Variants in TSC22D2 observed in about 807,000 individuals in gnomAD.
The protein encoded by TSC22D2 is TSC22 domain family protein 2.
In TSC22D2, 5 loss-of-function variants were observed where a neutral mutation model predicts 50.1. The ratio of observed to expected loss-of-function variants is 0.10; its 90% CI spans 0.05 to 0.21. TSC22D2 has a LOEUF of 0.21. Ranked by LOEUF, TSC22D2 falls within the 10% of genes least tolerant of loss-of-function variation. The probability of loss-of-function intolerance (pLI) is 1.00; values close to 1 mark genes in which losing one functional copy is unlikely to be tolerated. For missense variants in TSC22D2, 1,003 were observed against 1,015.5 expected, an observed-to-expected ratio of 0.99 and a Z score of 0.17; for synonymous variants, 501 against 450.1, an observed-to-expected ratio of 1.11 and a Z score of -1.43.
intron 1 of TSC22D2, among the ~76,000 whole-genome samples, chr3:150,437,066 G>A (rs889379282): frequency 1.3e-5 from 2 of 152,060 alleles, no homozygotes; most frequent in African/African-American, 4.8e-5. Context: ...GCAAAACTAT[G>A]CCCACAAATC....
intron 1 of TSC22D2, among the ~76,000 whole-genome samples, chr3:150,413,325 G>A (rs2108059805): frequency 6.6e-6 from 1 of 152,274 alleles, no homozygotes; most frequent in African/African-American, 2.4e-5. Flanking sequence ...GGGTTTTGAT[G>A]TATGTACAGT....
Position 150,457,177 on chromosome 3 carries a change from G to C in TSC22D2, c.2010+50G>C, listed in dbSNP as rs1721216685. 3.3e-6 allele frequency: 5 copies of C among 1,518,206 alleles called. No individual in the cohort carries two copies. The African/African-American group carries it at 5.5e-5, about 17-fold the overall frequency. 94.0% of individuals were successfully genotyped at this position (1,518,206 alleles called of 1,614,324 possible). A position where few individuals can be genotyped will look rare whatever the true frequency, so the allele number is the denominator to read the frequency against. The stretch of plus-strand genomic sequence containing the variant: ...CATTTCATAGATTGTTGGTTGTATG[G>C]AACACTTAGCTTTTGTCAGTTTTAG... On this transcript the variant is annotated intron_variant, in intron 2 of 2. Coordinates refer to ENST00000688009, the MANE Select transcript of TSC22D2 (RefSeq NM_001303264.2).
intron 2 of TSC22D2, among the ~76,000 whole-genome samples, 154 bp downstream of exon 2, chr3:150,457,281 G>A (rs1430021108): frequency 1.3e-5 from 2 of 152,136 alleles, no homozygotes; most frequent in African/African-American, 4.8e-5. Flanking sequence ...ATGCTAGAAC[G>A]TTGAGAACTT....
At chr3:150,439,378 A>G (rs1720645094) in intron 1 of TSC22D2, among the ~76,000 whole-genome samples, 1 of 152,188 alleles carries the variant, frequency 6.6e-6, no homozygotes, top group African/African-American at 2.4e-5. Context: ...CCATGACTTC[A>G]TTACATTCTG....
chr3:150,424,407 A>G (rs1343509271), intron 1 of TSC22D2, among the ~76,000 whole-genome samples: 2 of 152,188 alleles, frequency 1.3e-5, no homozygotes, highest in Non-Finnish European at 1.5e-5. Flanking sequence ...GTAGCTTTCA[A>G]AAGTATGATG....
chr3:150,442,181 T>C (rs1052765961), intron 1 of TSC22D2, among the ~76,000 whole-genome samples: 4 of 148,756 alleles, frequency 2.7e-5, no homozygotes, highest in Middle Eastern at 3.4e-3. Flanking sequence ...AACTGTGGCA[T>C]TTCCTCTACT....
At chr3:150,431,458 G>A (rs1323870686) in intron 1 of TSC22D2, among the ~76,000 whole-genome samples, 1 of 151,986 alleles carries the variant, frequency 6.6e-6, no homozygotes, top group South Asian at 2.1e-4. Context: ...TAACCTGTTC[G>A]AAGAGCCAGT....
intron 1 of TSC22D2, among the ~76,000 whole-genome samples, chr3:150,437,803 G>A (rs549029871): frequency 6.6e-5 from 10 of 151,632 alleles, no homozygotes; most frequent in African/African-American, 2.4e-4. Flanking sequence ...GCGGGACTCC[G>A]TCTCAAAATA....
chr3:150,415,052 A>G (rs1469801411), intron 1 of TSC22D2, among the ~76,000 whole-genome samples: 1 of 151,854 alleles, frequency 6.6e-6, no homozygotes, highest in Non-Finnish European at 1.5e-5. Context: ...ATTATTGTTT[A>G]GCATAAAAAC....
chr3:150,413,802 G>GACT (rs1719684455), intron 1 of TSC22D2, among the ~76,000 whole-genome samples: 1 of 151,888 alleles, frequency 6.6e-6, no homozygotes. Flanking sequence ...GAGAGGTCTT[G>GACT]ACTAATTGTG....
intron 2 of TSC22D2, among the ~76,000 whole-genome samples, chr3:150,458,107 T>C (rs1386984872): frequency 1.3e-5 from 2 of 152,168 alleles, no homozygotes; most frequent in Non-Finnish European, 2.9e-5. Context: ...TTTTTTTTTT[T>C]TAATTCTAAG....
Position 150,409,944 on chromosome 3 carries a change from C to G in TSC22D2, c.594C>G (p.Ser198=), listed in dbSNP as rs34667041. The change falls in exon 1 of 3, where the codon TCC becomes TCG. Residue 198 remains serine (S), a synonymous_variant. Transcript: ENST00000688009. The surrounding 1 kb of genome is among the most constrained non-coding windows in gnomAD (Gnocchi z 7.4). The part of the protein sequence containing the change: ...RDSDSSVLTR[S]GDCIRHSSTF... ...CAGACAGCAGCGTCCTGACTAGATC[C>G]GGGGATTGCATTAGACACAGCAGTA... 6 of 1,613,954 alleles carry G rather than the reference C, an allele frequency of 3.7e-6. No homozygotes were observed. The South Asian group carries it at 5.5e-5, about 15-fold the overall frequency.
intron 1 of TSC22D2, among the ~76,000 whole-genome samples, chr3:150,435,171 G>T (rs990801000): frequency 2.6e-5 from 4 of 151,994 alleles, no homozygotes; most frequent in Non-Finnish European, 5.9e-5. Flanking sequence ...TAGAGATGGG[G>T]TTTCTCCATG....
intron 1 of TSC22D2, among the ~76,000 whole-genome samples, chr3:150,430,372 C>G (rs530874939): frequency 2.0e-5 from 3 of 152,162 alleles, no homozygotes; most frequent in African/African-American, 7.2e-5. Flanking sequence ...GACAGAGATT[C>G]TAGAAAGGTA....
chr3:150,410,977 A>C lies in TSC22D2; in HGVS notation c.1627A>C (p.Ser543Arg), dbSNP rs1576539346. The C allele has an allele frequency of 6.2e-7, 1 of 1,614,220 alleles. No homozygotes were observed. The highest frequency in any genetic ancestry group is 8.5e-7 in the Non-Finnish European group (1 of 1,180,048). ...TCTGGCCCAGTCGCAACAGCTGAGCAGCCATACGCCAGTCAGCAGGAGCAG... is the reference window on the plus strand; with the variant it reads ...TCTGGCCCAGTCGCAACAGCTGAGCCGCCATACGCCAGTCAGCAGGAGCAG... ...APLAQSQQLSSHTPVSRSSSI... is the reference protein window; with the variant it reads ...APLAQSQQLSRHTPVSRSSSI... The change falls in exon 1 of 3, where the codon AGC becomes CGC. Residue 543 changes from serine to arginine, a missense_variant. Ser to Arg is a moderately radical substitution (Grantham distance 110, BLOSUM62 -1). This residue lies in a region of TSC22D2 where 696 missense variants were observed against 647.8 expected (regional missense o/e 1.07). Transcript: ENST00000688009.
rs1721470185 is a variant in TSC22D2, at chr3:150,463,372, C to T, written c.*4736C>T. On this transcript the variant is annotated 3_prime_UTR_variant, in exon 3 of 3. Coordinates refer to ENST00000688009, the MANE Select transcript of TSC22D2 (RefSeq NM_001303264.2). ...TCTAAGTCTCCTGCCTATCCAAAAC[C>T]AGACCTTTTCTCCCACCTCCTTCTG... 1 of 152,238 alleles carries T rather than the reference C, an allele frequency of 6.6e-6. No individual in the cohort carries two copies. Among genetic ancestry groups the T allele is most frequent in the Non-Finnish European group, 1.5e-5 (1 of 68,052 alleles). The allele number at this position is 152,238 out of a possible 1,614,324, so 9.4% of individuals were successfully genotyped here. A position where few individuals can be genotyped will look rare whatever the true frequency, so the allele number is the denominator to read the frequency against.
At position 150,411,052 on chromosome 3, in the gene TSC22D2, G is replaced by T. The variant is rs151080920; in HGVS notation, c.1702G>T (p.Ala568Ser). ...GCCCTTAGCGCCAGGCACACACAGC[G>T]CACCAACAAGTCTACCACAGTCTGA... Reference protein sequence around the residue: ...GLPLAPGTHSAPTSLPQSDLS... With the variant: ...GLPLAPGTHSSPTSLPQSDLS... Residue 568 changes from alanine to serine, a missense_variant, in exon 1 of 3, where the codon GCA becomes TCA. Physicochemically the swap from Ala to Ser is moderately conservative, Grantham distance 99. This residue lies in a region of TSC22D2 where 696 missense variants were observed against 647.8 expected (regional missense o/e 1.07). Transcript: ENST00000688009. 2,899 of 1,614,174 alleles carry T rather than the reference G, an allele frequency of 1.8e-3. 4 individuals carry two copies. The highest frequency in any genetic ancestry group is 2.2e-3 in the Non-Finnish European group (2,624 of 1,180,032).
intron 1 of TSC22D2, among the ~76,000 whole-genome samples, chr3:150,441,048 TA>T (rs1187893518): frequency 4.0e-5 from 6 of 148,726 alleles, no homozygotes; most frequent in Admixed American, 2.0e-4. Flanking sequence ...ATATATATAT[TA>T]AAAAATATAT....
rs1721379209 is a variant in TSC22D2 at position 150,460,921 on chromosome 3, A to G, written c.*2285A>G. The G allele has an allele frequency of 6.6e-6, 1 of 152,252 alleles. No individual in the cohort carries two copies. Among genetic ancestry groups the G allele is most frequent in the African/African-American group, 2.4e-5 (1 of 41,472 alleles). The allele number at this position is 152,252 out of a possible 1,614,324, so 9.4% of individuals were successfully genotyped here. On this transcript the variant is annotated 3_prime_UTR_variant, in exon 3 of 3. Transcript: ENST00000688009. ...TAACAGCAGTTATTACTACTTTTATATTAAGAAAAACAGTAGAAAAGGAGA... is the reference window on the plus strand; with the variant it reads ...TAACAGCAGTTATTACTACTTTTATGTTAAGAAAAACAGTAGAAAAGGAGA...
Sources: allele counts gnomAD v4.1 joint callset (sites outside exome capture counted in the v4.1 genomes callset), GRCh38; gene constraint gnomAD v4.1.1; regional missense constraint gnomAD v4.1.1; non-coding constraint Gnocchi (gnomAD v3.1); transcripts MANE v1.5; gene names NCBI Gene and HGNC (gene_info 2026-07-23, HGNC 2026-07-21).